CNTNAP5: variants seen among roughly 807,000 people sequenced by gnomAD.
CNTNAP5 encodes contactin associated protein family member 5, also known as contactin-associated protein-like 5.
In CNTNAP5, 72 loss-of-function variants were observed where a neutral mutation model predicts 150.2. The observed-to-expected ratio is 0.48, with a 90% confidence interval of 0.40 to 0.58. The LOEUF is 0.58. CNTNAP5 is among the 20% of genes least tolerant of loss of function. The probability of loss-of-function intolerance (pLI) is 0.00; values close to 1 mark genes in which losing one functional copy is unlikely to be tolerated. For missense variants in CNTNAP5, 1,636 were observed against 1,626.2 expected (o/e 1.01, Z -0.10); for synonymous variants, 672 against 619.8 (o/e 1.08, Z -1.25).
At chr2:124,579,442 G>A (rs771208374) in intron 11 of CNTNAP5, among the ~76,000 whole-genome samples, 1 of 152,198 alleles carries the variant, frequency 6.6e-6, no homozygotes, top group Non-Finnish European at 1.5e-5. Flanking sequence ...CATCACATCA[G>A]GTATTATAGA....
At chr2:124,743,796 G>C (rs1257590260) in intron 13 of CNTNAP5, among the ~76,000 whole-genome samples, 1 of 151,840 alleles carries the variant, frequency 6.6e-6, no homozygotes, top group Non-Finnish European at 1.5e-5. Context: ...TTTTTTTCCT[G>C]TTAAACCTTC....
intron 13 of CNTNAP5, among the ~76,000 whole-genome samples, chr2:124,737,768 G>A (rs369789938): frequency 6.6e-6 from 1 of 152,084 alleles, no homozygotes; most frequent in Admixed American, 6.5e-5. Context: ...GGAAGAGATC[G>A]TTATGGCTGT....
intron 19 of CNTNAP5, among the ~76,000 whole-genome samples, chr2:124,862,243 G>C (rs954364075): frequency 6.6e-6 from 1 of 152,102 alleles, no homozygotes; most frequent in Admixed American, 6.5e-5. Context: ...TTATAGTGTA[G>C]CAATGTTAAT....
At chr2:124,051,200 CAA>C (rs140219734) in intron 1 of CNTNAP5, among the ~76,000 whole-genome samples, 1 of 148,118 alleles carries the variant, frequency 6.8e-6, no homozygotes, top group African/African-American at 2.5e-5. Context: ...TCTCTTTCCT[CAA>C]AAAAAAAATA....
intron 1 of CNTNAP5, among the ~76,000 whole-genome samples, chr2:124,065,064 C>A (rs1006802157): frequency 6.6e-6 from 1 of 152,110 alleles, no homozygotes; most frequent in Non-Finnish European, 1.5e-5. Context: ...TCCCCCAGTA[C>A]CTCTCTATAG....
chr2:124,318,867 T>A (rs1410429950), intron 3 of CNTNAP5, among the ~76,000 whole-genome samples: 2 of 152,076 alleles, frequency 1.3e-5, no homozygotes, highest in African/African-American at 4.8e-5. Flanking sequence ...GCCCACACCA[T>A]CATTACAGCA....
intron 21 of CNTNAP5, among the ~76,000 whole-genome samples, chr2:124,877,563 T>C (rs567704940): frequency 9.2e-5 from 14 of 152,246 alleles, no homozygotes; most frequent in South Asian, 2.1e-4. Flanking sequence ...AAGCAAAAAC[T>C]ATTGAGCATT....
intron 3 of CNTNAP5, among the ~76,000 whole-genome samples, chr2:124,395,229 A>C (rs757231631): frequency 6.6e-6 from 1 of 152,182 alleles, no homozygotes; most frequent in Non-Finnish European, 1.5e-5. Context: ...AAGTACCATG[A>C]GAGATGGAGA....
chr2:124,267,311 C>T (rs946992237), intron 3 of CNTNAP5, among the ~76,000 whole-genome samples: 2 of 152,132 alleles, frequency 1.3e-5, no homozygotes, highest in Non-Finnish European at 2.9e-5. Context: ...GTAGTGTGAA[C>T]ATTTAAAGTA....
chr2:124,591,892 C>T (rs190749004), intron 11 of CNTNAP5, among the ~76,000 whole-genome samples: 6 of 152,208 alleles, frequency 3.9e-5, no homozygotes, highest in African/African-American at 1.2e-4. Flanking sequence ...TATACATAAC[C>T]TTTATAAAAA....
intron 9 of CNTNAP5, among the ~76,000 whole-genome samples, chr2:124,525,829 A>T (rs543711895): frequency 4.6e-4 from 70 of 152,188 alleles, no homozygotes; most frequent in Non-Finnish European, 8.7e-4. Flanking sequence ...CACTTAATAG[A>T]TAATAAGACT....
At chr2:124,569,853 A>G (rs1335824031) in intron 11 of CNTNAP5, among the ~76,000 whole-genome samples, 1 of 152,226 alleles carries the variant, frequency 6.6e-6, no homozygotes, top group East Asian at 1.9e-4. Flanking sequence ...TGTTATAGTA[A>G]TCATTGCAGA....
At chr2:124,325,538 T>A (rs1208457643) in intron 3 of CNTNAP5, among the ~76,000 whole-genome samples, 4 of 152,164 alleles carry the variant, frequency 2.6e-5, no homozygotes, top group South Asian at 4.1e-4. Flanking sequence ...TTTGTTTTTT[T>A]ATTTCATTTT....
At position 124,512,915 on chromosome 2, in the gene CNTNAP5, A is replaced by G. The variant is rs573384214; in HGVS notation, c.1327+8359A>G. 1.2e-4 allele frequency among the ~76,000 whole-genome samples: 18 copies of G among 152,310 alleles called. No individual in the cohort carries two copies. In the East Asian group the frequency reaches 1.7e-3, roughly 15 times the overall value. The stretch of plus-strand genomic sequence containing the variant: ...TGACTACATTTACATTAAATAAAAT[A>G]TGTCATCCTGTAGCTATGGTCAACA... On this transcript the variant is annotated intron_variant, in intron 8 of 23. Transcript: ENST00000682447.
chr2:124,748,997 G>A (rs940094181), intron 14 of CNTNAP5, among the ~76,000 whole-genome samples: 2 of 152,102 alleles, frequency 1.3e-5, no homozygotes, highest in Non-Finnish European at 2.9e-5. Flanking sequence ...CCTGGGTGGA[G>A]GCCATGTCTC....
chr2:124,299,702 G>C (rs549458083), intron 3 of CNTNAP5, among the ~76,000 whole-genome samples: 12 of 152,238 alleles, frequency 7.9e-5, no homozygotes, highest in African/African-American at 2.6e-4. Flanking sequence ...TTCCATACTA[G>C]TCTAAGTAAT....
intron 13 of CNTNAP5, among the ~76,000 whole-genome samples, chr2:124,665,885 C>A (rs1411480389): frequency 2.1e-4 from 30 of 142,302 alleles, no homozygotes; most frequent in African/African-American, 2.9e-4. Context: ...GACTCCGTCT[C>A]AAAAAAAAAA....
At chr2:124,819,862 T>A (rs1340629375) in intron 19 of CNTNAP5, among the ~76,000 whole-genome samples, 1 of 152,206 alleles carries the variant, frequency 6.6e-6, no homozygotes, top group Non-Finnish European at 1.5e-5. Context: ...GCTGCTCAGT[T>A]ACTGTGTGTC....
In CNTNAP5 at chr2:124,110,386, C is replaced by T. The variant is rs1683267808; in HGVS notation, c.82+84654C>T. 2.6e-5 allele frequency among the ~76,000 whole-genome samples: 4 copies of T among 151,964 alleles called. No individual in the cohort carries two copies. In the South Asian group the frequency reaches 6.2e-4, roughly 24 times the overall value. On this transcript the variant is annotated intron_variant, in intron 1 of 23. Coordinates refer to ENST00000682447, the MANE Select transcript of CNTNAP5 (RefSeq NM_001367498.1). ...CATGCATATATTTTGGCTGTTTGGCCCTGGAAGGGAGGGAAGTTAAAACAA... is the reference window on the plus strand; with the variant it reads ...CATGCATATATTTTGGCTGTTTGGCTCTGGAAGGGAGGGAAGTTAAAACAA...
Sources: allele counts gnomAD v4.1 joint callset (sites outside exome capture counted in the v4.1 genomes callset), GRCh38; gene constraint gnomAD v4.1.1; transcripts MANE v1.5; gene names NCBI Gene and HGNC (gene_info 2026-07-23, HGNC 2026-07-21).